DET1: variants seen among roughly 807,000 people sequenced by gnomAD.
The protein encoded by DET1 is DET1 homolog.
DET1 carries 22 observed loss-of-function variants against 43.7 expected under a neutral mutation model. That is an observed-to-expected ratio of 0.50 (90% confidence interval 0.36 to 0.72). DET1 has a LOEUF of 0.72. Ranked by LOEUF, DET1 falls within the 30% of genes least tolerant of loss-of-function variation. DET1 has a pLI of 0.00. For synonymous variants in DET1, 315 were observed against 266.2 expected (o/e 1.18, Z -1.79); for missense variants, 713 against 713.3 (o/e 1.00, Z 0.00).
At chr15:88,535,099 A>C (rs2056913852) in intron 1 of DET1, among the ~76,000 whole-genome samples, 1 of 152,252 alleles carries the variant, frequency 6.6e-6, no homozygotes, top group African/African-American at 2.4e-5. Flanking sequence ...GCTAAGAAAC[A>C]GAAGATATTT....
chr15:88,519,214 C>T (rs2056425918), intron 3 of DET1, among the ~76,000 whole-genome samples: 1 of 152,208 alleles, frequency 6.6e-6, no homozygotes, highest in Non-Finnish European at 1.5e-5. Flanking sequence ...ACCACCTCCA[C>T]TCTCCATGCT....
chr15:88,543,026 T>G (rs538666818), intron 1 of DET1, among the ~76,000 whole-genome samples: 18 of 152,358 alleles, frequency 1.2e-4, no homozygotes, highest in African/African-American at 4.1e-4. Flanking sequence ...TATACTGCTA[T>G]AAGAGGTAAT....
chr15:88,539,329 T>C (rs925630248), intron 1 of DET1, among the ~76,000 whole-genome samples: 2 of 151,354 alleles, frequency 1.3e-5, no homozygotes, highest in Non-Finnish European at 2.9e-5. Context: ...CATAGCTCGA[T>C]CCAAGCCGGG....
At position 88,527,846 on chromosome 15, in the gene DET1, C is replaced by T. The variant is rs1598333444; in HGVS notation, c.1084-60G>A. On this transcript the variant is annotated intron_variant, in intron 2 of 4. Transcript: ENST00000268148. Reference sequence around the variant, plus strand: ...TGAGTATAATGCCATGCGTAGGAAACTTAGCACTTATTACTTGGCTGAAAA... The same window carrying T: ...TGAGTATAATGCCATGCGTAGGAAATTTAGCACTTATTACTTGGCTGAAAA... 2.3e-6 allele frequency: 3 copies of T among 1,284,108 alleles called. No individual in the cohort carries two copies. In the African/African-American group the frequency reaches 4.6e-5, roughly 20 times the overall value. 79.5% of individuals were successfully genotyped at this position (1,284,108 alleles called of 1,614,324 possible). A position where few individuals can be genotyped will look rare whatever the true frequency, so the allele number is the denominator to read the frequency against.
At chr15:88,528,063 G>GA (rs2056714381) in intron 2 of DET1, among the ~76,000 whole-genome samples, 1 of 152,198 alleles carries the variant, frequency 6.6e-6, no homozygotes, top group South Asian at 2.1e-4. Flanking sequence ...TAGAATTACT[G>GA]AGATGGCCAG....
chr15:88,515,127 C>G (rs1324749935), intron 4 of DET1, among the ~76,000 whole-genome samples: 1 of 152,288 alleles, frequency 6.6e-6, no homozygotes, highest in African/African-American at 2.4e-5. Flanking sequence ...ACAGTAAATA[C>G]TATCCCAGGG....
chr15:88,528,037 A>C (rs1182579776), intron 2 of DET1, among the ~76,000 whole-genome samples: 1 of 152,224 alleles, frequency 6.6e-6, no homozygotes, highest in Non-Finnish European at 1.5e-5. Flanking sequence ...CAGATTTTCC[A>C]CTGTATCTGT....
chr15:88,507,307 G>A (rs1003717983), intron 7 of DET1, among the ~76,000 whole-genome samples: 4 of 152,078 alleles, frequency 2.6e-5, no homozygotes, highest in African/African-American at 4.8e-5. Flanking sequence ...TATCTAATAG[G>A]CATTTCAAAA....
intron 1 of DET1, among the ~76,000 whole-genome samples, chr15:88,543,524 T>C (rs1000887906): frequency 6.6e-6 from 1 of 152,220 alleles, no homozygotes; most frequent in African/African-American, 2.4e-5. Flanking sequence ...CGACCTGATC[T>C]TCAAGATGTG....
intron 3 of DET1, among the ~76,000 whole-genome samples, chr15:88,523,313 A>G (rs764133079): frequency 2.6e-5 from 4 of 151,992 alleles, no homozygotes; most frequent in Non-Finnish European, 5.9e-5. Flanking sequence ...AAGGGTCCCA[A>G]TTTCATTGAT....
chr15:88,508,350 G>T (rs189564604), downstream of DET1, among the ~76,000 whole-genome samples: 387 of 152,284 alleles, frequency 2.5e-3, no homozygotes, highest in Non-Finnish European at 4.2e-3. Flanking sequence ...CTGACCTAGA[G>T]CATATAACCC....
intron 1 of DET1, among the ~76,000 whole-genome samples, chr15:88,537,342 A>G (rs555852414): frequency 1.6e-4 from 25 of 152,242 alleles, no homozygotes; most frequent in African/African-American, 6.0e-4. Context: ...CTCAGCCCAA[A>G]TCTAGCCCAT....
intron 1 of DET1, chr15:88,536,476 C>G: frequency 1.7e-6 from 1 of 589,002 alleles, no homozygotes; most frequent in East Asian, 3.0e-5. Context: ...ATACACTAAA[C>G]AAAGTAAAAG....
intron 3 of DET1, among the ~76,000 whole-genome samples, chr15:88,519,294 G>A (rs2056427987): frequency 6.6e-6 from 1 of 152,028 alleles, no homozygotes; most frequent in African/African-American, 2.4e-5. Context: ...GTGTCACTCT[G>A]TCCAGCTATA....
At chr15:88,536,502 G>A (rs938647890) in intron 1 of DET1, 60 of 540,420 alleles carry the variant, frequency 1.1e-4, no homozygotes, top group Middle Eastern at 9.8e-4. Flanking sequence ...CAAACTGGCC[G>A]GGTGCAGTGG....
intron 3 of DET1, among the ~76,000 whole-genome samples, chr15:88,520,556 A>C (rs980974636): frequency 6.6e-6 from 1 of 152,150 alleles, no homozygotes. Context: ...AACCTGCTCT[A>C]CCCACAGGTT....
intron 3 of DET1, 37 bp from the exon 4 acceptor site, chr15:88,517,010 G>A (rs1241234957): frequency 2.1e-6 from 3 of 1,453,476 alleles, no homozygotes; most frequent in South Asian, 2.7e-5. Flanking sequence ...CTTTGTTAGT[G>A]AGTACACAAA....
intron 3 of DET1, among the ~76,000 whole-genome samples, chr15:88,519,306 C>G (rs2056428775): frequency 6.6e-6 from 1 of 152,122 alleles, no homozygotes; most frequent in Non-Finnish European, 1.5e-5. Context: ...CCAGCTATAC[C>G]TCTCTTAGTT....
Position 88,531,857 on chromosome 15 carries a change from C to T in DET1, c.-10-142G>A. ...TGACAGTGACTGGCATTACTACTTC[C>T]CAGATTATACTGAGTAAGTGGTCCT... On this transcript the variant is annotated intron_variant, in intron 1 of 4. Transcript: ENST00000268148. The surrounding 1 kb of genome is among the most constrained non-coding windows in gnomAD (Gnocchi z 6.2). 2.6e-6 allele frequency: 2 copies of T among 758,770 alleles called. No homozygotes were observed. Among genetic ancestry groups the T allele is most frequent in the Non-Finnish European group, 4.1e-6 (2 of 484,370 alleles). The allele number at this position is 758,770 out of a possible 1,614,324, so 47.0% of individuals were successfully genotyped here.
Sources: gnomAD v4.1 joint callset for allele counts (sites outside exome capture counted in the v4.1 genomes callset) on GRCh38, gnomAD v4.1.1 for gene constraint, Gnocchi (gnomAD v3.1) non-coding constraint, MANE v1.5 for transcripts, NCBI Gene and HGNC (gene_info 2026-07-23, HGNC 2026-07-21) for gene names.